Variants in NLRX1 observed in about 807,000 individuals in gnomAD.
NLRX1 encodes the protein NOD-like receptor X1.
Under a neutral mutation model 74.2 loss-of-function variants are expected in NLRX1, and 67 were observed. The ratio of observed to expected loss-of-function variants is 0.90; its 90% confidence interval spans 0.74 to 1.11. NLRX1 has a LOEUF of 1.11. NLRX1 is among the 50% of genes least tolerant of loss of function. The pLI is 0.00. For synonymous variants in NLRX1, 506 were observed against 559.1 expected (o/e 0.91, Z 1.34); for missense variants, 1,191 against 1,305.4 (o/e 0.91, Z 1.35).
At chr11:119,175,346 C>T (rs185330389) in intron 6 of NLRX1, 72 bp downstream of exon 6, 261 of 1,346,864 alleles carry the variant, frequency 1.9e-4, no homozygotes, top group Admixed American at 5.7e-4. Flanking sequence ...CCCACGCCCC[C>T]ACATGGTTCC....
rs756499907 is a variant in NLRX1, at chr11:119,173,040, G to A, written c.229+51G>A. ...TCAGGGGGTGTGGTGGGCAGACGGG[G>A]CTGGAAGGAGAAGCAGGGTGAGGGA... On this transcript the variant is annotated intron_variant, in intron 4 of 9. Transcript: ENST00000409109. This position sits in a 1 kb window ranked among gnomAD's most constrained non-coding sequence, Gnocchi z 4.0. The A allele has an allele frequency of 4.9e-6, 7 of 1,422,944 alleles. No individual in the cohort carries two copies. The highest frequency in any genetic ancestry group is 1.9e-4 in the Middle Eastern group (1 of 5,178). The allele number at this position is 1,422,944 out of a possible 1,614,324, so 88.1% of individuals were successfully genotyped here.
chr11:119,181,200 C>A lies in NLRX1; in HGVS notation c.2297C>A (p.Ala766Asp). Residue 766 changes from alanine (A) to aspartate (D), a missense_variant, in exon 8 of 10, where the codon GCC becomes GAC. Ala to Asp is a moderately radical substitution (Grantham distance 126). Coordinates refer to ENST00000409109, the MANE Select transcript of NLRX1 (RefSeq NM_001282144.2). ...GLQLNSLGPE[A>D]CKDLRDLLLH... Reference sequence around the variant, plus strand: ...CAACTCAACAGCCTGGGCCCTGAGGCCTGCAAGGACCTCCGAGACCTGTTG... The same window carrying A: ...CAACTCAACAGCCTGGGCCCTGAGGACTGCAAGGACCTCCGAGACCTGTTG... 6.2e-7 allele frequency: 1 copy of A among 1,613,860 alleles called. No individual in the cohort carries two copies. The highest frequency in any genetic ancestry group is 2.2e-5 in the East Asian group (1 of 44,880).
At chr11:119,179,394 G>T (rs560663174) in intron 6 of NLRX1, among the ~76,000 whole-genome samples, 15 of 152,302 alleles carry the variant, frequency 9.8e-5, no homozygotes, top group African/African-American at 3.4e-4. Flanking sequence ...TAGCACTTTG[G>T]GGGGCCTAAG....
Position 119,183,359 on chromosome 11 carries a change from C to G in NLRX1, c.2848C>G (p.Pro950Ala). Residue 950 changes from proline to alanine, a missense_variant, in exon 10 of 10, where the codon CCT (proline) becomes GCT (alanine). Physicochemically the swap from Pro to Ala is conservative, Grantham distance 27. Coordinates refer to ENST00000409109, the MANE Select transcript of NLRX1 (RefSeq NM_001282144.2). The surrounding 1 kb of genome is among the most constrained non-coding windows in gnomAD (Gnocchi z 5.7). ...AGATAGCCGGGGTGCCACCCTTAAT[C>G]CTTGGCGCAAGGCCCAGCTGCTGCG... ...LEDSRGATLN[P>A]WRKAQLLRVE... is the part of the protein sequence containing the mutation. The G allele has an allele frequency of 6.2e-7, 1 of 1,614,248 alleles. No individual in the cohort carries two copies. The highest frequency in any genetic ancestry group is 8.5e-7 in the Non-Finnish European group (1 of 1,180,054).
chr11:119,181,318 C>G, intron 8 of NLRX1, 61 bp downstream of exon 8: 1 of 1,319,756 alleles, frequency 7.6e-7, no homozygotes, highest in Admixed American at 1.7e-5. Context: ...GAGCTCCCTG[C>G]TTCCTGACAT....
intron 8 of NLRX1, 117 bp from the exon 9 acceptor site, chr11:119,181,977 C>T: frequency 7.6e-7 from 1 of 1,309,898 alleles, no homozygotes; most frequent in Non-Finnish European, 1.1e-6. Context: ...CCCTCTTTGG[C>T]CCAAGTCCTG....
rs763959518 is a variant in NLRX1 at position 119,174,053 on chromosome 11, AGCT to A, written c.808_810del (p.Ala270del). The A allele has an allele frequency of 1.1e-5, 18 of 1,614,048 alleles. No individual in the cohort carries two copies. The Admixed American group carries it at 2.2e-4, about 19-fold the overall frequency. On this transcript the variant is annotated inframe_deletion, in exon 5 of 10. Transcript: ENST00000409109. ...GTGACCCGGAGGAACCGCAGGAACCAGCTGCTATCATCGTCAACCTGCTGCGCA... is the reference window on the plus strand; with the variant it reads ...GTGACCCGGAGGAACCGCAGGAACCAGCTATCATCGTCAACCTGCTGCGCA...
chr11:119,183,100 C>G lies in NLRX1; in HGVS notation c.2607-18C>G. 1 of 1,611,550 alleles carries G rather than the reference C, an allele frequency of 6.2e-7. No individual in the cohort carries two copies. Among genetic ancestry groups the G allele is most frequent in the South Asian group, 1.1e-5 (1 of 90,782 alleles). ...TCAGAGCTCTACTGAATGGCATCGA[C>G]TTTCTCTCTCCTGCCAGCCTCTACT... On this transcript the variant is annotated intron_variant, in intron 9 of 9. Coordinates refer to ENST00000409109, the MANE Select transcript of NLRX1 (RefSeq NM_001282144.2). This position sits in a 1 kb window ranked among gnomAD's most constrained non-coding sequence, Gnocchi z 5.7.
chr11:119,179,841 C>A lies in NLRX1; in HGVS notation c.1820C>A (p.Pro607His). Residue 607 changes from proline to histidine, a missense_variant, in exon 7 of 10, where the codon CCC becomes CAC. Physicochemically the swap from Pro to His is moderately conservative, Grantham distance 77. Transcript: ENST00000409109. ...GCCAGTATCCTGGGCGTGGAGGGCC[C>A]CCGGCGCCACCCAGATGAGCCCCCT... ...MGASILGVEG[P>H]RRHPDEPPED... 1.9e-6 allele frequency: 3 copies of A among 1,613,956 alleles called. No homozygotes were observed. In the South Asian group the frequency reaches 3.3e-5, roughly 18 times the overall value.
Position 119,173,623 on chromosome 11 carries a change from G to T in NLRX1, c.374G>T (p.Arg125Leu), listed in dbSNP as rs3809045. The T allele has an allele frequency of 5.6e-4, 906 of 1,614,048 alleles. 12 individuals are homozygous for T. In the East Asian group the frequency reaches 0.013, roughly 22 times the overall value. ...IRESTPDELLRPPAELALEHQ... is the reference protein window; with the variant it reads ...IRESTPDELLLPPAELALEHQ... ...GAGAGTACCCCTGATGAGCTACTTC[G>T]CCCACCCGCGGAGCTGGCCCTGGAG... The change falls in exon 5 of 10, where the codon CGC becomes CTC. Residue 125 changes from arginine (R) to leucine (L), a missense_variant. By Grantham distance (102) the Arg-to-Leu change is moderately radical (BLOSUM62 -2). Transcript: ENST00000409109. The surrounding 1 kb of genome is among the most constrained non-coding windows in gnomAD (Gnocchi z 4.0).
Position 119,173,725 on chromosome 11 carries a change from T to G in NLRX1, c.476T>G (p.Val159Gly), listed in dbSNP as rs1249073788. 6.2e-7 allele frequency: 1 copy of G among 1,613,914 alleles called. No homozygotes were observed. The highest frequency in any genetic ancestry group is 8.5e-7 in the Non-Finnish European group (1 of 1,179,992). The change falls in exon 5 of 10, where the codon GTG (valine) becomes GGG (glycine). Residue 159 changes from valine (V) to glycine (G), a missense_variant. Val to Gly is a moderately radical substitution (Grantham distance 109, BLOSUM62 -3). Coordinates refer to ENST00000409109, the MANE Select transcript of NLRX1 (RefSeq NM_001282144.2). This position sits in a 1 kb window ranked among gnomAD's most constrained non-coding sequence, Gnocchi z 4.0. The part of the protein sequence containing the change: ...LFNPDACGRR[V>G]QTVVLYGTVG... ...AACCCGGATGCCTGTGGGCGCCGGGTGCAGACAGTGGTGCTGTATGGGACA... is the reference window on the plus strand; with the variant it reads ...AACCCGGATGCCTGTGGGCGCCGGGGGCAGACAGTGGTGCTGTATGGGACA...
rs199476051 is a variant in NLRX1, at chr11:119,182,015, G to A, written c.2355-79G>A. 6.4e-7 allele frequency: 1 copy of A among 1,554,008 alleles called. No individual in the cohort carries two copies. Among genetic ancestry groups the A allele is most frequent in the South Asian group, 1.2e-5 (1 of 82,644 alleles). ...ACCCAGCACAGGGCTGCCCCATTAA[G>A]GCTGCCAGTACCACCCCCAACCTTG... is the stretch of plus-strand genomic sequence containing the variant. On this transcript the variant is annotated intron_variant, in intron 8 of 9. Coordinates refer to ENST00000409109, the MANE Select transcript of NLRX1 (RefSeq NM_001282144.2).
chr11:119,170,429 G>A (rs1000356266), intron 1 of NLRX1, among the ~76,000 whole-genome samples: 35 of 152,154 alleles, frequency 2.3e-4, no homozygotes, highest in African/African-American at 8.2e-4. Context: ...TGTAAGGCGT[G>A]GGTGGGAAGA....
chr11:119,182,654 AGGCG>A (rs1948869533), intron 9 of NLRX1, among the ~76,000 whole-genome samples: 1 of 152,146 alleles, frequency 6.6e-6, no homozygotes, highest in African/African-American at 2.4e-5. Context: ...CGGGGGGCCA[AGGCG>A]GGCACATCAC....
chr11:119,174,791 C>G lies in NLRX1; in HGVS notation c.1188C>G (p.Ser396Arg), dbSNP rs903684639. Residue 396 changes from serine to arginine, a missense_variant, in exon 6 of 10, where the codon AGC (serine) becomes AGG (arginine). Coordinates refer to ENST00000409109, the MANE Select transcript of NLRX1 (RefSeq NM_001282144.2). ...APTPAGQTLT[S>R]IYTSFLRLNF... Reference sequence around the variant, plus strand: ...CGCCTGCTGGGCAGACCCTTACAAGCATCTATACCAGCTTCCTGCGCCTCA... The same window carrying G: ...CGCCTGCTGGGCAGACCCTTACAAGGATCTATACCAGCTTCCTGCGCCTCA... The G allele has an allele frequency of 3.1e-6, 5 of 1,613,794 alleles. No individual in the cohort carries two copies. In the African/African-American group the frequency reaches 4.0e-5, roughly 13 times the overall value.
Position 119,180,026 on chromosome 11 carries a change from G to C in NLRX1, c.2005G>C (p.Val669Leu). Residue 669 changes from valine (V) to leucine (L), a missense_variant, in exon 7 of 10, where the codon GTG becomes CTG. Coordinates refer to ENST00000409109, the MANE Select transcript of NLRX1 (RefSeq NM_001282144.2). ...KKKLGKLGRQ[V>L]LPPSELLDHL... ...GAAGCTGGGCAAGCTGGGCCGGCAG[G>C]TGCTGCCCCCATCAGAGCTCCTTGA... The C allele has an allele frequency of 6.2e-7, 1 of 1,613,672 alleles. No homozygotes were observed. Among genetic ancestry groups the C allele is most frequent in the South Asian group, 1.1e-5 (1 of 91,092 alleles).
chr11:119,172,488 C>T, intron 3 of NLRX1, 63 bp downstream of exon 3: 1 of 1,277,052 alleles, frequency 7.8e-7, no homozygotes, highest in East Asian at 2.3e-5. Context: ...TGGGAAGGGT[C>T]AGGACTTGGG....
chr11:119,179,566 A>C, intron 6 of NLRX1, 127 bp from the exon 7 acceptor site: 1 of 775,292 alleles, frequency 1.3e-6, no homozygotes, highest in South Asian at 2.1e-5. Context: ...ATGATCAGAC[A>C]AATTATGCTA....
Position 119,173,337 on chromosome 11 carries a change from A to C in NLRX1, c.230-142A>C, listed in dbSNP as rs1311794426. On this transcript the variant is annotated intron_variant, in intron 4 of 9. Transcript: ENST00000409109. The surrounding 1 kb of genome is among the most constrained non-coding windows in gnomAD (Gnocchi z 4.0). ...CTTTCTGGACAGTCTATATTTTCTCAGGGAGTCTTGTGTGCCCACCATTGT... is the reference window on the plus strand; with the variant it reads ...CTTTCTGGACAGTCTATATTTTCTCCGGGAGTCTTGTGTGCCCACCATTGT... 1.1e-6 allele frequency: 1 copy of C among 900,998 alleles called. No individual in the cohort carries two copies. The highest frequency in any genetic ancestry group is 2.4e-5 in the East Asian group (1 of 41,282). 55.8% of individuals were successfully genotyped at this position (900,998 alleles called of 1,614,324 possible). A position where few individuals can be genotyped will look rare whatever the true frequency, so the allele number is the denominator to read the frequency against.
Sources: allele counts gnomAD v4.1 joint callset (sites outside exome capture counted in the v4.1 genomes callset), GRCh38; gene constraint gnomAD v4.1.1; non-coding constraint Gnocchi (gnomAD v3.1); transcripts MANE v1.5; gene names NCBI Gene and HGNC (gene_info 2026-07-23, HGNC 2026-07-21).